Variants in SPG11 observed in about 807,000 individuals in gnomAD.
SPG11 encodes the protein SPG11 vesicle trafficking associated, spatacsin.
In SPG11, 222 loss-of-function variants were observed where a neutral mutation model predicts 274.0. The observed-to-expected ratio is 0.81, with a 90% CI of 0.73 to 0.91. SPG11 has a LOEUF of 0.91. Ranked by LOEUF, SPG11 falls within the 40% of genes least tolerant of loss-of-function variation. SPG11 has a pLI of 0.00. For synonymous variants in SPG11, 1,144 were observed against 1,039.7 expected (o/e 1.10, Z -1.93); for missense variants, 3,114 against 2,872.7 (o/e 1.08, Z -1.92).
intron 39 of SPG11, 136 bp from the exon 40 acceptor site, chr15:44,563,437 C>T: frequency 1.4e-6 from 1 of 731,196 alleles, no homozygotes; most frequent in South Asian, 1.6e-5. Flanking sequence ...CTGCTGGGTT[C>T]AAGTGATTCT....
chr15:44,570,502 CTG>C (rs755071134), intron 34 of SPG11, 21 bp downstream of exon 34: 10 of 1,613,878 alleles, frequency 6.2e-6, no homozygotes, highest in African/African-American at 2.7e-5. Context: ...AGGATGGAGA[CTG>C]GGGTTGAGGG....
intron 30 of SPG11, among the ~76,000 whole-genome samples, chr15:44,576,374 T>TCC (rs2082538844): frequency 6.6e-6 from 1 of 151,940 alleles, no homozygotes; most frequent in Admixed American, 6.6e-5. Flanking sequence ...TCAGGCCAGG[T>TCC]GTGGTGGCTC....
chr15:44,618,489 C>G (rs1050138605), intron 15 of SPG11, among the ~76,000 whole-genome samples: 10 of 134,516 alleles, frequency 7.4e-5, no homozygotes, highest in Admixed American at 2.4e-4. Flanking sequence ...TGCACTCCAT[C>G]CTGGGCGACA....
intron 15 of SPG11, among the ~76,000 whole-genome samples, chr15:44,616,207 CTTTT>C (rs534285308): frequency 7.2e-6 from 1 of 138,164 alleles, no homozygotes; most frequent in African/African-American, 2.6e-5. Flanking sequence ...CATTCCCATA[CTTTT>C]TTTTTTTTTT....
intron 7 of SPG11, among the ~76,000 whole-genome samples, chr15:44,637,059 T>C (rs2084298915): frequency 6.6e-6 from 1 of 151,172 alleles, no homozygotes; most frequent in Non-Finnish European, 1.5e-5. Context: ...TTCTATAGAT[T>C]TACAAATTTT....
intron 19 of SPG11, 79 bp downstream of exon 19, chr15:44,608,365 G>A (rs1237059236): frequency 2.0e-5 from 30 of 1,473,124 alleles, no homozygotes; most frequent in Admixed American, 3.4e-5. Flanking sequence ...AATGCCCTCC[G>A]GTTGAAAGAT....
At chr15:44,627,194 T>A (rs192523307) in intron 10 of SPG11, among the ~76,000 whole-genome samples, 3 of 152,250 alleles carry the variant, frequency 2.0e-5, no homozygotes, top group Non-Finnish European at 4.4e-5. Flanking sequence ...GAGAGTGGAC[T>A]AAAAGTGATT....
chr15:44,663,420 AC>A lies in SPG11; in HGVS notation c.227del (p.Gly76ValfsTer45). On this transcript the variant is annotated frameshift_variant, in exon 1 of 40. Transcript: ENST00000261866. LOFTEE classifies it high-confidence loss of function. ...AGAAGGGGCCCTCCAGGCAGCAGCG[AC>A]CCCCGCCCCGGCTGCCAGGCGTCAA... ...LSLTPGSRGGGRCCLEGPFWH... is the reference protein window; with the variant it reads ...LSLTPGSRGGXRCCLEGPFWH... 6.2e-7 allele frequency: 1 copy of A among 1,604,020 alleles called. No individual in the cohort carries two copies.
At position 44,651,712 on chromosome 15, in the gene SPG11, G is replaced by C. The variant is rs312262723; in HGVS notation, c.1235C>G (p.Ser412Ter). 7 of 1,614,172 alleles carry C rather than the reference G, an allele frequency of 4.3e-6. No individual in the cohort carries two copies. Among genetic ancestry groups the C allele is most frequent in the African/African-American group, 1.3e-5 (1 of 75,046 alleles). The change falls in exon 6 of 40, where the codon TCA becomes TGA. Residue 412 changes from serine to a stop codon, truncating the protein, a stop_gained. Coordinates refer to ENST00000261866, the MANE Select transcript of SPG11 (RefSeq NM_025137.4). LOFTEE classifies it high-confidence loss of function. ...DHAKTSDPGR[S>*]WKIMHISEQE... ...TTCACTGATGTGCATTATTTTCCAT[G>C]ATCTTCCTGGATCACTGGTCTTGGC...
chr15:44,588,500 T>A (rs1595849550), intron 28 of SPG11: 1 of 162,832 alleles, frequency 6.1e-6, no homozygotes, highest in South Asian at 1.5e-4. Context: ...GGAAATATTA[T>A]ATAAGAATAA....
chr15:44,567,327 G>C, intron 36 of SPG11, 97 bp downstream of exon 36: 1 of 1,376,280 alleles, frequency 7.3e-7, no homozygotes, highest in Non-Finnish European at 1.0e-6. Context: ...CTCCAGCCTG[G>C]GGACAGAGCG....
At chr15:44,585,391 C>T (rs996508908) in intron 29 of SPG11, among the ~76,000 whole-genome samples, 1 of 146,994 alleles carries the variant, frequency 6.8e-6, no homozygotes, top group Non-Finnish European at 1.5e-5. Context: ...TCAAGACCAT[C>T]CTGGCTAACA....
At chr15:44,564,900 T>G (rs1336213866) in intron 38 of SPG11, among the ~76,000 whole-genome samples, 1 of 152,122 alleles carries the variant, frequency 6.6e-6, no homozygotes, top group Non-Finnish European at 1.5e-5. Flanking sequence ...ATCCCCAAAT[T>G]ATCTTAAACC....
At chr15:44,567,649 G>A in intron 35 of SPG11, 57 bp from the exon 36 acceptor site, 2 of 1,586,004 alleles carry the variant, frequency 1.3e-6, no homozygotes, top group African/African-American at 1.3e-5. Flanking sequence ...AAGGCAGACA[G>A]GACTAGCTGA....
chr15:44,655,286 T>A (rs2084906729), intron 4 of SPG11, among the ~76,000 whole-genome samples: 1 of 152,186 alleles, frequency 6.6e-6, no homozygotes, highest in African/African-American at 2.4e-5. Flanking sequence ...CATAATTTTT[T>A]AAAAGTGATT....
In SPG11 at chr15:44,608,598, T is replaced by G. The variant is rs1595876031; in HGVS notation, c.3299A>C (p.Gln1100Pro). The change falls in exon 19 of 40, where the codon CAG becomes CCG. Residue 1100 changes from glutamine to proline, a missense_variant. Gln to Pro is a moderately conservative substitution (Grantham distance 76). Transcript: ENST00000261866. ...CAAACAGTTTTCATTTTCTTCATTC[T>G]GAACAACCTAAGTAAAAAAACAGAT... Reference protein sequence around the residue: ...YSPGGVSQVVQNEENENCLKK... With the variant: ...YSPGGVSQVVPNEENENCLKK... 6.2e-7 allele frequency: 1 copy of G among 1,613,906 alleles called. No homozygotes were observed. Among genetic ancestry groups the G allele is most frequent in the Middle Eastern group, 1.7e-4 (1 of 5,988 alleles).
intron 16 of SPG11, among the ~76,000 whole-genome samples, chr15:44,614,434 G>A (rs2083540527): frequency 6.6e-6 from 1 of 152,142 alleles, no homozygotes; most frequent in Non-Finnish European, 1.5e-5. Context: ...ACATTGCCCA[G>A]GCTGATCTTG....
intron 18 of SPG11, among the ~76,000 whole-genome samples, chr15:44,609,895 ATTTTTTTTTTTTTT>A (rs771457335): frequency 3.8e-5 from 4 of 106,116 alleles, no homozygotes; most frequent in Admixed American, 2.0e-4. Context: ...TGCCCAGCTA[ATTTTTTTTTTTTTT>A]TTTTTTTTTT....
intron 7 of SPG11, among the ~76,000 whole-genome samples, chr15:44,647,488 T>C (rs2084641265): frequency 6.6e-6 from 1 of 152,204 alleles, no homozygotes. Context: ...GGATTATTCA[T>C]AATGGCTAGA....
Sources: gnomAD v4.1 joint callset for allele counts (sites outside exome capture counted in the v4.1 genomes callset) on GRCh38, gnomAD v4.1.1 for gene constraint, MANE v1.5 for transcripts, NCBI Gene and HGNC (gene_info 2026-07-23, HGNC 2026-07-21) for gene names.